Variants in TECPR2 observed in about 807,000 individuals in gnomAD.
TECPR2 encodes tectonin beta-propeller repeat-containing protein 2.
A neutral mutation model predicts 138.1 loss-of-function variants in TECPR2; 65 were observed. The ratio of observed to expected loss-of-function variants is 0.47; its 90% CI spans 0.39 to 0.58. The LOEUF is 0.58. Among genes scored for constraint, TECPR2 ranks in the 20% least tolerant of loss-of-function variants. The probability of loss-of-function intolerance (pLI) is 0.00; values close to 1 mark genes in which losing one functional copy is unlikely to be tolerated. For missense variants in TECPR2, 1,553 were observed against 1,824.5 expected, an observed-to-expected ratio of 0.85 and a Z score of 2.71; for synonymous variants, 746 against 749.8, an observed-to-expected ratio of 0.99 and a Z score of 0.08.
Position 102,443,631 on chromosome 14 carries a change from C to T in TECPR2, c.2753-16C>T, listed in dbSNP as rs773807478. 2.6e-6 allele frequency: 4 copies of T among 1,536,150 alleles called. No individual in the cohort carries two copies. The highest frequency in any genetic ancestry group is 3.5e-6 in the Non-Finnish European group (4 of 1,127,922). ...TGACTGTGTGTCTTTGGGGCTTCTT[C>T]CCATCTTCCTGGCAGGTCTGAGCGT... On this transcript the variant is annotated splice_polypyrimidine_tract_variant and intron_variant, in intron 11 of 19. Coordinates refer to ENST00000359520, the MANE Select transcript of TECPR2 (RefSeq NM_014844.5). The surrounding 1 kb of genome is among the most constrained non-coding windows in gnomAD (Gnocchi z 4.9).
At chr14:102,367,968 G>C (rs1472864445) in intron 1 of TECPR2, among the ~76,000 whole-genome samples, 1 of 136,120 alleles carries the variant, frequency 7.3e-6, no homozygotes, top group African/African-American at 2.8e-5. Flanking sequence ...TAATGGTGCT[G>C]AACATCTTTT....
rs1272230921 is a variant in TECPR2 at position 102,471,607 on chromosome 14, TAGG to T, written c.3789+6321_3789+6323del. Among the ~76,000 whole-genome samples the T allele has an allele frequency of 2.5e-3, 372 of 151,830 alleles. 8 individuals are homozygous for T. The highest frequency in any genetic ancestry group is 4.3e-4 in the Non-Finnish European group (29 of 67,942). On this transcript the variant is annotated intron_variant, in intron 17 of 19. Coordinates refer to ENST00000359520, the MANE Select transcript of TECPR2 (RefSeq NM_014844.5). ...GTCCCAGCTACTCAGAAGACTCAGG[TAGG>T]AGAATTGCTTGAGCCCAGGAGTTCA...
chr14:102,422,647 G>A (rs1452224496), intron 5 of TECPR2, among the ~76,000 whole-genome samples: 1 of 152,188 alleles, frequency 6.6e-6, no homozygotes, highest in African/African-American at 2.4e-5. Context: ...ACATAGATAT[G>A]TGATTAAACC....
intron 1 of TECPR2, among the ~76,000 whole-genome samples, chr14:102,365,549 C>G (rs1253715284): frequency 6.6e-6 from 1 of 152,134 alleles, no homozygotes; most frequent in Non-Finnish European, 1.5e-5. Context: ...TAAAAAGGAA[C>G]GAAGTACTGA....
At chr14:102,367,115 G>T (rs980296298) in intron 1 of TECPR2, among the ~76,000 whole-genome samples, 6 of 152,174 alleles carry the variant, frequency 3.9e-5, no homozygotes, top group African/African-American at 1.2e-4. Context: ...GCTGCAAAGG[G>T]CTTAGACCAC....
chr14:102,391,311 C>T (rs746775739), intron 2 of TECPR2, among the ~76,000 whole-genome samples: 3 of 152,164 alleles, frequency 2.0e-5, no homozygotes, highest in South Asian at 2.1e-4. Context: ...CCGCCCACCT[C>T]GGCCTCCCAA....
intron 1 of TECPR2, among the ~76,000 whole-genome samples, chr14:102,367,128 G>C (rs903182340): frequency 6.6e-6 from 1 of 152,170 alleles, no homozygotes; most frequent in Non-Finnish European, 1.5e-5. Flanking sequence ...TAGACCACAC[G>C]GGGCATTTGG....
intron 16 of TECPR2, among the ~76,000 whole-genome samples, chr14:102,461,642 C>A (rs1364992318): frequency 6.6e-6 from 1 of 152,222 alleles, no homozygotes; most frequent in African/African-American, 2.4e-5. Context: ...ACACAGTGAA[C>A]CGTGGCCCCC....
intron 16 of TECPR2, among the ~76,000 whole-genome samples, chr14:102,459,821 G>C (rs1185635743): frequency 2.0e-5 from 3 of 152,146 alleles, no homozygotes; most frequent in African/African-American, 4.8e-5. Flanking sequence ...CTTCAGCCCT[G>C]GTGTTTTCTT....
chr14:102,391,967 C>T (rs1271929448), intron 2 of TECPR2, among the ~76,000 whole-genome samples: 2 of 151,998 alleles, frequency 1.3e-5, no homozygotes, highest in Admixed American at 6.6e-5. Flanking sequence ...TGCTGAAACC[C>T]CTTTTTTTGT....
chr14:102,378,410 T>A (rs1887698480), intron 2 of TECPR2, among the ~76,000 whole-genome samples: 1 of 152,146 alleles, frequency 6.6e-6, no homozygotes, highest in African/African-American at 2.4e-5. Context: ...TTTAAAACAT[T>A]ATTTTTTCCT....
chr14:102,476,948 T>G (rs1890779049), intron 17 of TECPR2, among the ~76,000 whole-genome samples: 1 of 152,120 alleles, frequency 6.6e-6, no homozygotes, highest in Admixed American at 6.6e-5. Context: ...GAAGCTGAGG[T>G]GGGAGGATCC....
chr14:102,490,799 CT>C (rs1474549038), intron 17 of TECPR2, among the ~76,000 whole-genome samples: 1 of 152,256 alleles, frequency 6.6e-6, no homozygotes, highest in Non-Finnish European at 1.5e-5. Context: ...GAACGGGGTT[CT>C]TGTTCTACCT....
intron 17 of TECPR2, among the ~76,000 whole-genome samples, chr14:102,492,821 T>C (rs1891185714): frequency 6.6e-6 from 1 of 152,246 alleles, no homozygotes. Context: ...CCCCGCTTGC[T>C]CTTCCCACCA....
intron 16 of TECPR2, among the ~76,000 whole-genome samples, chr14:102,458,966 C>CATATATATATATAT (rs3068229): frequency 1.7e-4 from 23 of 138,378 alleles, no homozygotes; most frequent in African/African-American, 6.1e-4. Context: ...AAAATACACA[C>CATATATATATATAT]ATATATATAT....
At chr14:102,378,448 T>C (rs1156232388) in intron 2 of TECPR2, among the ~76,000 whole-genome samples, 2 of 152,112 alleles carry the variant, frequency 1.3e-5, no homozygotes, top group Admixed American at 1.3e-4. Context: ...GACAGACATA[T>C]ATTAACTCAT....
rs151296038 is a variant in TECPR2, at chr14:102,414,740, C to A, written c.585C>A (p.Leu195=). The A allele has an allele frequency of 9.3e-6, 15 of 1,614,110 alleles. No individual in the cohort carries two copies. The African/African-American group carries it at 1.9e-4, about 20-fold the overall frequency. The part of the protein sequence containing the change: ...LLVSTLQRSL[L]FYTEEKSVRQ... ...TCTCTACTCTGCAAAGAAGTCTGCT[C>A]TTTTACACTGAAGAAAAGTCTGTAA... Residue 195 remains leucine, a synonymous_variant, in exon 5 of 20, where the codon CTC becomes CTA. Transcript: ENST00000359520.
intron 2 of TECPR2, among the ~76,000 whole-genome samples, chr14:102,384,214 C>T (rs1012378254): frequency 1.1e-4 from 17 of 152,014 alleles, no homozygotes; most frequent in Admixed American, 4.6e-4. Context: ...CCACTGCATC[C>T]GGCCGGAAGT....
At chr14:102,364,804 G>A (rs1887300208) in intron 1 of TECPR2, among the ~76,000 whole-genome samples, 1 of 152,170 alleles carries the variant, frequency 6.6e-6, no homozygotes, top group Non-Finnish European at 1.5e-5. Context: ...GGAAGAAAAG[G>A]AAGGAAACAG....
Sources: allele counts gnomAD v4.1 joint callset (sites outside exome capture counted in the v4.1 genomes callset), GRCh38; gene constraint gnomAD v4.1.1; non-coding constraint Gnocchi (gnomAD v3.1); transcripts MANE v1.5; gene names NCBI Gene and HGNC (gene_info 2026-07-23, HGNC 2026-07-21).